Variants in PUF60 observed in about 807,000 individuals in gnomAD.
PUF60 encodes the protein poly(U)-binding-splicing factor PUF60.
PUF60 carries 10 observed loss-of-function variants against 61.8 expected under a neutral mutation model. The ratio of observed to expected loss-of-function variants is 0.16; its 90% CI spans 0.10 to 0.27. The LOEUF (loss-of-function observed/expected upper bound fraction) is 0.27, where lower values mean the gene tolerates loss of function less well. Ranked by LOEUF, PUF60 falls within the 10% of genes least tolerant of loss-of-function variation. The pLI is 1.00. For synonymous variants in PUF60, 353 were observed against 300.9 expected, an observed-to-expected ratio of 1.17 and a Z score of -1.79; for missense variants, 371 against 754.0, an observed-to-expected ratio of 0.49 and a Z score of 5.95.
intron 1 of PUF60, chr8:143,828,843 G>A (rs1817960341): frequency 4.8e-6 from 4 of 830,618 alleles, no homozygotes; most frequent in Non-Finnish European, 2.9e-6. Flanking sequence ...CTGAGCTGCA[G>A]GCCCCTTTCT....
At position 143,824,386 on chromosome 8, in the gene PUF60, T is replaced by G; in HGVS notation, c.38A>C (p.Gln13Pro). 1 of 1,612,194 alleles carries G rather than the reference T, an allele frequency of 6.2e-7. No individual in the cohort carries two copies. ...CGCCGGCTCGGACCCCCCTCCTTGC[T>G]GGCCATTGACCTGCTGCAGGCAGGA... ...TATIALQVNGQQGGGSEPAAA... is the reference protein window; with the variant it reads ...TATIALQVNGPQGGGSEPAAA... The change falls in exon 2 of 12, where the codon CAG (glutamine) becomes CCG (proline). Residue 13 changes from glutamine (Q) to proline (P), a missense_variant. Physicochemically the swap from Gln to Pro is moderately conservative, Grantham distance 76 (BLOSUM62 -1). Transcript: ENST00000526683.
intron 1 of PUF60, 119 bp downstream of exon 1, chr8:143,829,161 G>A (rs1818014572): frequency 8.2e-7 from 1 of 1,219,616 alleles, no homozygotes; most frequent in Non-Finnish European, 1.0e-6. Flanking sequence ...ACACGAGGGA[G>A]TCCGCGCGGG....
intron 1 of PUF60, chr8:143,827,533 A>T (rs1167665590): frequency 4.3e-5 from 19 of 446,904 alleles, no homozygotes; most frequent in Non-Finnish European, 7.7e-5. Context: ...ACCTCCCATG[A>T]GAGCTGAAGC....
chr8:143,822,511 G>A lies in PUF60; in HGVS notation c.112-598C>T, dbSNP rs113667176. 5.0e-3 allele frequency: 2,295 copies of A among 456,558 alleles called. 39 individuals are homozygous for A. Among genetic ancestry groups the A allele is most frequent in the African/African-American group, 0.043 (2,148 of 50,158 alleles). 28.3% of individuals were successfully genotyped at this position (456,558 alleles called of 1,614,324 possible). A position where few individuals can be genotyped will look rare whatever the true frequency, so the allele number is the denominator to read the frequency against. ...CTCCCAGAGAACACAGGCCTCTCTC[G>A]GGCCACACAAGCCCTGAAGAGGGCT... On this transcript the variant is annotated intron_variant, in intron 2 of 11. Transcript: ENST00000526683.
At chr8:143,820,528 G>T in intron 5 of PUF60, 138 bp downstream of exon 5, 2 of 1,007,736 alleles carry the variant, frequency 2.0e-6, no homozygotes, top group Non-Finnish European at 1.5e-6. Context: ...CACCACGCCT[G>T]GCGCTCTGCT....
chr8:143,819,680 CCT>C (rs1223404282), intron 5 of PUF60, among the ~76,000 whole-genome samples: 1 of 152,170 alleles, frequency 6.6e-6, no homozygotes. Flanking sequence ...CACTGGGCCC[CCT>C]GACAGACCTC....
At chr8:143,823,617 G>C (rs1428497035) in intron 2 of PUF60, among the ~76,000 whole-genome samples, 2 of 152,212 alleles carry the variant, frequency 1.3e-5, no homozygotes, top group African/African-American at 4.8e-5. Flanking sequence ...GGGGGACCAA[G>C]AGGAGGGCCC....
intron 1 of PUF60, among the ~76,000 whole-genome samples, chr8:143,826,291 A>C (rs1476171440): frequency 6.6e-6 from 1 of 152,234 alleles, no homozygotes; most frequent in Non-Finnish European, 1.5e-5. Flanking sequence ...GAAAACAAGA[A>C]AAGCAATGTA....
At position 143,821,697 on chromosome 8, in the gene PUF60, C is replaced by A. The variant is rs372245744; in HGVS notation, c.208-11G>T. 4.5e-6 allele frequency: 7 copies of A among 1,548,434 alleles called. No homozygotes were observed. Among genetic ancestry groups the A allele is most frequent in the Non-Finnish European group, 6.1e-6 (7 of 1,147,460 alleles). On this transcript the variant is annotated splice_polypyrimidine_tract_variant and intron_variant, in intron 3 of 11. Transcript: ENST00000526683. ...GGCGTACTTCTTGGCCTGAGAGAGG[C>A]GGCAGTGAGGAGCACTGGGGGCCCA... is the stretch of plus-strand genomic sequence containing the variant.
chr8:143,826,481 G>A (rs1476409840), intron 1 of PUF60, among the ~76,000 whole-genome samples: 1 of 152,194 alleles, frequency 6.6e-6, no homozygotes, highest in Admixed American at 6.5e-5. Flanking sequence ...TTGGGAGGCC[G>A]AGGCAGGTGG....
rs1351083887 is a variant in PUF60, at chr8:143,817,093, C to T, written c.1197G>A (p.Val399=). ...PIPVTIPSVG[V]VNPILASPPT... The stretch of plus-strand genomic sequence containing the variant: ...GAGGGCTGGCCAGGATGGGGTTCAC[C>T]ACTCCCACCGAGGGGATGGTGACCG... The change falls in exon 11 of 12, where the codon GTG becomes GTA. Residue 399 remains valine, a synonymous_variant. Coordinates refer to ENST00000526683, the MANE Select transcript of PUF60 (RefSeq NM_078480.3). The surrounding 1 kb of genome is among the most constrained non-coding windows in gnomAD (Gnocchi z 7.4). 6.2e-7 allele frequency: 1 copy of T among 1,611,026 alleles called. No homozygotes were observed. The highest frequency in any genetic ancestry group is 1.1e-5 in the South Asian group (1 of 90,716).
At chr8:143,823,510 G>A (rs1453149144) in intron 2 of PUF60, among the ~76,000 whole-genome samples, 3 of 152,238 alleles carry the variant, frequency 2.0e-5, no homozygotes, top group Non-Finnish European at 4.4e-5. Context: ...ACCAATGGCC[G>A]GCTGGGCGCC....
chr8:143,821,997 C>T, intron 2 of PUF60, 84 bp from the exon 3 acceptor site: 1 of 1,024,192 alleles, frequency 9.8e-7, no homozygotes, highest in Non-Finnish European at 1.4e-6. Flanking sequence ...CTAGCACAGA[C>T]TGTCCCCTGC....
rs771090661 is a variant in PUF60 at position 143,817,565 on chromosome 8, C to A, written c.1008+27G>T. ...AATCAGGGGCCAGCCCGCCCACCCT[C>A]AAGCCGACAGCTGTGTGGGCCCTCA... On this transcript the variant is annotated intron_variant, in intron 9 of 11. Transcript: ENST00000526683. The surrounding 1 kb of genome is among the most constrained non-coding windows in gnomAD (Gnocchi z 7.4). 36 of 1,609,618 alleles carry A rather than the reference C, an allele frequency of 2.2e-5. No homozygotes were observed. Among genetic ancestry groups the A allele is most frequent in the Non-Finnish European group, 3.0e-5 (35 of 1,179,156 alleles).
In PUF60 at chr8:143,824,351, C is replaced by T. The variant is rs928232118; in HGVS notation, c.73G>A (p.Ala25Thr). Residue 25 changes from alanine (A) to threonine (T), a missense_variant, in exon 2 of 12, where the codon GCA becomes ACA. Coordinates refer to ENST00000526683, the MANE Select transcript of PUF60 (RefSeq NM_078480.3). ...GGGSEPAAAA[A>T]VVAAGDKWKP... The stretch of plus-strand genomic sequence containing the variant: ...CATTTGTCTCCCGCTGCCACCACTG[C>T]CGCCGCCGCCGCCGGCTCGGACCCC... 3.1e-6 allele frequency: 5 copies of T among 1,607,340 alleles called. No individual in the cohort carries two copies. The highest frequency in any genetic ancestry group is 4.2e-6 in the Non-Finnish European group (5 of 1,176,916).
chr8:143,821,030 C>CG (rs1376821798), intron 4 of PUF60, among the ~76,000 whole-genome samples: 3 of 149,016 alleles, frequency 2.0e-5, no homozygotes, highest in African/African-American at 7.5e-5. Flanking sequence ...GAGGGCTGGG[C>CG]GGGGGGGCGT....
At chr8:143,824,255 C>T (rs1224698645) in intron 2 of PUF60, 58 bp downstream of exon 2, 26 of 1,450,558 alleles carry the variant, frequency 1.8e-5, no homozygotes, top group African/African-American at 1.3e-4. Context: ...CACAGGCAGG[C>T]GGGCGGGCGG....
intron 4 of PUF60, among the ~76,000 whole-genome samples, chr8:143,820,973 T>G (rs1816946125): frequency 1.3e-5 from 2 of 151,092 alleles, no homozygotes; most frequent in African/African-American, 2.5e-5. Flanking sequence ...AGGAGGGCAG[T>G]GGAGCACAGT....
chr8:143,818,299 C>A lies in PUF60; in HGVS notation c.511-14G>T, dbSNP rs1390490995. On this transcript the variant is annotated splice_polypyrimidine_tract_variant and intron_variant, in intron 6 of 11. Coordinates refer to ENST00000526683, the MANE Select transcript of PUF60 (RefSeq NM_078480.3). The surrounding 1 kb of genome is among the most constrained non-coding windows in gnomAD (Gnocchi z 7.9). ...GAAGGCAAAGCCCTAGACACAGGGA[C>A]ACACCTGTCAGGCTGCGCGAGCCCA... The A allele has an allele frequency of 5.0e-6, 8 of 1,606,604 alleles. No individual in the cohort carries two copies. In the Admixed American group the frequency reaches 1.2e-4, roughly 24 times the overall value.
Sources: gnomAD v4.1 joint callset for allele counts (sites outside exome capture counted in the v4.1 genomes callset) on GRCh38, gnomAD v4.1.1 for gene constraint, Gnocchi (gnomAD v3.1) non-coding constraint, MANE v1.5 for transcripts, NCBI Gene and HGNC (gene_info 2026-07-23, HGNC 2026-07-21) for gene names.